The following SLC4A3 variants were observed in gnomAD, a reference collection of about 807,000 sequenced individuals.
SLC4A3 encodes the protein solute carrier family 4 member 3.
In SLC4A3, 47 loss-of-function variants were observed where a neutral mutation model predicts 114.2. That is an observed-to-expected ratio of 0.41 (90% CI 0.33 to 0.52). The LOEUF is 0.52. SLC4A3 is among the 20% of genes least tolerant of loss of function. The probability of loss-of-function intolerance (pLI) is 0.21; values close to 1 mark genes in which losing one functional copy is unlikely to be tolerated. For missense variants in SLC4A3, 1,312 were observed against 1,668.3 expected (o/e 0.79, Z 3.72); for synonymous variants, 693 against 710.3 (o/e 0.98, Z 0.39).
At position 219,629,335 on chromosome 2, in the gene SLC4A3, G is replaced by A; in HGVS notation, c.409G>A (p.Glu137Lys). The A allele has an allele frequency of 6.2e-7, 1 of 1,603,098 alleles. No individual in the cohort carries two copies. Among genetic ancestry groups the A allele is most frequent in the East Asian group, 2.2e-5 (1 of 44,818 alleles). The change falls in exon 4 of 23, where the codon GAA becomes AAA. Residue 137 changes from glutamate to lysine, a missense_variant. This residue lies in a region of SLC4A3 where 236 missense variants were observed against 212.1 expected (regional missense o/e 1.11). Transcript: ENST00000358055. ...GGAGGGGGGAGCTGGAGTGGATGAG[G>A]AAGAGGAGGAAGAGGAGGAAGAGGA... ...QEEGGAGVDEEEEEEEEEEGE... is the reference protein window; with the variant it reads ...QEEGGAGVDEKEEEEEEEEGE...
At position 219,636,381 on chromosome 2, in the gene SLC4A3, G is replaced by A; in HGVS notation, c.2271G>A (p.Leu757=). 6.2e-7 allele frequency: 1 copy of A among 1,613,684 alleles called. No individual in the cohort carries two copies. The highest frequency in any genetic ancestry group is 1.1e-5 in the South Asian group (1 of 91,054). ...TGCTCGGCGTCCTCTTCTCTCTGCT[G>A]GGAGCTCAGCCGCTGCTTGTGGTTG... ...TAVLGVLFSL[L]GAQPLLVVGF... Residue 757 remains leucine, a synonymous_variant, in exon 15 of 23, where the codon CTG becomes CTA. Transcript: ENST00000358055. The surrounding 1 kb of genome is among the most constrained non-coding windows in gnomAD (Gnocchi z 5.5).
Position 219,637,693 on chromosome 2 carries a change from C to T in SLC4A3, c.2648C>T (p.Pro883Leu), listed in dbSNP as rs145432587. ...NGSALPPTEG[P>L]PSPRNQPNTA... Reference sequence around the variant, plus strand: ...AGTGCCCTGCCCCCCACCGAGGGCCCCCCCAGCCCGAGGAACCAGCCCAAT... The same window carrying T: ...AGTGCCCTGCCCCCCACCGAGGGCCTCCCCAGCCCGAGGAACCAGCCCAAT... The change falls in exon 17 of 23, where the codon CCC becomes CTC. Residue 883 changes from proline (P) to leucine (L), a missense_variant. By Grantham distance (98) the Pro-to-Leu change is moderately conservative. Transcript: ENST00000358055. The surrounding 1 kb of genome is among the most constrained non-coding windows in gnomAD (Gnocchi z 4.6). The T allele has an allele frequency of 2.5e-6, 4 of 1,612,636 alleles. No individual in the cohort carries two copies. The highest frequency in any genetic ancestry group is 3.4e-6 in the Non-Finnish European group (4 of 1,178,652).
At position 219,641,596 on chromosome 2, in the gene SLC4A3, T is replaced by C. The variant is rs1699327466; in HGVS notation, c.3622-55T>C. On this transcript the variant is annotated intron_variant, in intron 22 of 22. Transcript: ENST00000358055. The surrounding 1 kb of genome is among the most constrained non-coding windows in gnomAD (Gnocchi z 4.0). ...GCAGGTTGGAGGAGGAGCTGGAGAA[T>C]GGGAGGGGACGAGCATGCTTCCCTG... The C allele has an allele frequency of 4.3e-6, 6 of 1,398,546 alleles. No individual in the cohort carries two copies. The highest frequency in any genetic ancestry group is 6.1e-6 in the Non-Finnish European group (6 of 985,028). The allele number at this position is 1,398,546 out of a possible 1,614,324, so 86.6% of individuals were successfully genotyped here.
rs1379648116 is a variant in SLC4A3 at position 219,635,252 on chromosome 2, G to T, written c.1747-19G>T. 6.2e-7 allele frequency: 1 copy of T among 1,607,598 alleles called. No homozygotes were observed. Among genetic ancestry groups the T allele is most frequent in the Admixed American group, 1.7e-5 (1 of 59,972 alleles). ...CCCTTGGCTGTCCCTGAGGGTCCTG[G>T]CCCTCTCATTGCCCCCAGCTGTTTC... On this transcript the variant is annotated intron_variant, in intron 12 of 22. Coordinates refer to ENST00000358055, the MANE Select transcript of SLC4A3 (RefSeq NM_005070.4).
At position 219,636,595 on chromosome 2, in the gene SLC4A3, G is replaced by A. The variant is rs1315735797; in HGVS notation, c.2341-85G>A. 4.0e-6 allele frequency: 6 copies of A among 1,490,966 alleles called. No individual in the cohort carries two copies. The highest frequency in any genetic ancestry group is 2.8e-5 in the African/African-American group (2 of 71,620). 92.4% of individuals were successfully genotyped at this position (1,490,966 alleles called of 1,614,324 possible). On this transcript the variant is annotated intron_variant, in intron 15 of 22. Transcript: ENST00000358055. The surrounding 1 kb of genome is among the most constrained non-coding windows in gnomAD (Gnocchi z 5.5). ...GGTCCCTGCATTCTCCCTCTTCCTC[G>A]GAGTTCATCCGCTGCCTATTCCAGG...
intron 20 of SLC4A3, among the ~76,000 whole-genome samples, chr2:219,640,034 T>G (rs1340080033): frequency 6.6e-6 from 1 of 152,052 alleles, no homozygotes; most frequent in African/African-American, 2.4e-5. Context: ...GGTTCACCCA[T>G]TCTCCTGCCT....
rs545398053 is a variant in SLC4A3 at position 219,639,148 on chromosome 2, G to A, written c.3023+279G>A. On this transcript the variant is annotated intron_variant, in intron 19 of 22. Transcript: ENST00000358055. This position sits in a 1 kb window ranked among gnomAD's most constrained non-coding sequence, Gnocchi z 5.9. ...ATCTGTTGCCACCACTCTTTGCAGG[G>A]TGGCACTTGACAGTGCTCAGAACAC... 6.6e-6 allele frequency among the ~76,000 whole-genome samples: 1 copy of A among 152,098 alleles called. No individual in the cohort carries two copies. The highest frequency in any genetic ancestry group is 1.5e-5 in the Non-Finnish European group (1 of 68,020).
chr2:219,638,425 C>T lies in SLC4A3; in HGVS notation c.2856+172C>T, dbSNP rs1446994216. Among the ~76,000 whole-genome samples, 1 of 152,150 alleles carries T rather than the reference C, an allele frequency of 6.6e-6. No homozygotes were observed. Among genetic ancestry groups the T allele is most frequent in the Non-Finnish European group, 1.5e-5 (1 of 68,014 alleles). On this transcript the variant is annotated intron_variant, in intron 18 of 22. Coordinates refer to ENST00000358055, the MANE Select transcript of SLC4A3 (RefSeq NM_005070.4). This position sits in a 1 kb window ranked among gnomAD's most constrained non-coding sequence, Gnocchi z 7.5. Reference sequence around the variant, plus strand: ...CCCCAGGGAGCCTGAGTGATGAATCCGGGAGAAGCAGGTGTGGGGCTGGGA... The same window carrying T: ...CCCCAGGGAGCCTGAGTGATGAATCTGGGAGAAGCAGGTGTGGGGCTGGGA...
At position 219,632,988 on chromosome 2, in the gene SLC4A3, G is replaced by A. The variant is rs746914813; in HGVS notation, c.1256G>A (p.Arg419His). 1.2e-6 allele frequency: 2 copies of A among 1,614,046 alleles called. No homozygotes were observed. The highest frequency in any genetic ancestry group is 2.2e-5 in the East Asian group (1 of 44,852). The change falls in exon 9 of 23, where the codon CGT becomes CAT. Residue 419 changes from arginine to histidine, a missense_variant. Physicochemically the swap from Arg to His is conservative, Grantham distance 29 (BLOSUM62 0). Coordinates refer to ENST00000358055, the MANE Select transcript of SLC4A3 (RefSeq NM_005070.4). ...CCGGAGGACAGGGCCAGCGTCCTACGTACCCTGCTACTGAAGCACAGGTGC... is the reference window on the plus strand; with the variant it reads ...CCGGAGGACAGGGCCAGCGTCCTACATACCCTGCTACTGAAGCACAGGTGC... Reference protein sequence around the residue: ...IRPEDRASVLRTLLLKHSHPN... With the variant: ...IRPEDRASVLHTLLLKHSHPN...
In SLC4A3 at chr2:219,627,987, C is replaced by A; in HGVS notation, c.-6C>A. The A allele has an allele frequency of 1.9e-6, 3 of 1,600,186 alleles. No individual in the cohort carries two copies. Among genetic ancestry groups the A allele is most frequent in the Non-Finnish European group, 2.6e-6 (3 of 1,174,332 alleles). On this transcript the variant is annotated 5_prime_UTR_variant, in exon 2 of 23. It adds an upstream start codon to the 5' untranslated region. Coordinates refer to ENST00000358055, the MANE Select transcript of SLC4A3 (RefSeq NM_005070.4). ...AGCGAGAGCGTCCCCAGCCGCCTAC[C>A]TGGCCATGGCCAACGGAGTGATCCC...
chr2:219,628,349 G>T lies in SLC4A3; in HGVS notation c.52-56G>T. On this transcript the variant is annotated intron_variant, in intron 2 of 22. Transcript: ENST00000358055. The surrounding 1 kb of genome is among the most constrained non-coding windows in gnomAD (Gnocchi z 4.8). ...CCCAACTAGGGCTTGGAGTTGGGGT[G>T]GGTGTGGGGCCTTCATGGGTCAGGG... 6.6e-7 allele frequency: 1 copy of T among 1,505,572 alleles called. No individual in the cohort carries two copies. Among genetic ancestry groups the T allele is most frequent in the South Asian group, 1.3e-5 (1 of 76,842 alleles). 93.3% of individuals were successfully genotyped at this position (1,505,572 alleles called of 1,614,324 possible).
In SLC4A3 at chr2:219,638,878, G is replaced by A; in HGVS notation, c.3023+9G>A. 1 of 1,612,530 alleles carries A rather than the reference G, an allele frequency of 6.2e-7. No individual in the cohort carries two copies. Reference sequence around the variant, plus strand: ...GAGACACAGATCACGGCGTGAGAGAGATGGGAGGAGGAGGTGGGAGGGACG... The same window carrying A: ...GAGACACAGATCACGGCGTGAGAGAAATGGGAGGAGGAGGTGGGAGGGACG... On this transcript the variant is annotated intron_variant, in intron 19 of 22. Coordinates refer to ENST00000358055, the MANE Select transcript of SLC4A3 (RefSeq NM_005070.4). This position sits in a 1 kb window ranked among gnomAD's most constrained non-coding sequence, Gnocchi z 7.5.
chr2:219,640,232 C>CA (rs1553553164), intron 20 of SLC4A3, among the ~76,000 whole-genome samples, 198 bp from the exon 21 acceptor site: 2 of 123,000 alleles, frequency 1.6e-5, no homozygotes, highest in Non-Finnish European at 1.7e-5. Flanking sequence ...TCTGCCCCCC[C>CA]CCCCGCCCCT....
chr2:219,632,784 T>G, intron 8 of SLC4A3, 90 bp from the exon 9 acceptor site: 1 of 1,541,512 alleles, frequency 6.5e-7, no homozygotes, highest in Non-Finnish European at 8.9e-7. Context: ...TCCAGCACAT[T>G]CGCATGCTTT....
chr2:219,638,307 A>G lies in SLC4A3; in HGVS notation c.2856+54A>G, dbSNP rs1350054444. ...CTGTCACCCCCAGGCCAGGAGAGGG[A>G]GCCCACAACACACTTCCATGGGCCC... On this transcript the variant is annotated intron_variant, in intron 18 of 22. Transcript: ENST00000358055. This position sits in a 1 kb window ranked among gnomAD's most constrained non-coding sequence, Gnocchi z 7.5. The G allele has an allele frequency of 2.2e-6, 3 of 1,344,640 alleles. No individual in the cohort carries two copies. Among genetic ancestry groups the G allele is most frequent in the East Asian group, 4.8e-5 (2 of 41,652 alleles). The allele number at this position is 1,344,640 out of a possible 1,614,324, so 83.3% of individuals were successfully genotyped here.
Position 219,631,831 on chromosome 2 carries a change from T to G in SLC4A3, c.812-137T>G. 2 of 930,434 alleles carry G rather than the reference T, an allele frequency of 2.1e-6. No homozygotes were observed. Among genetic ancestry groups the G allele is most frequent in the Non-Finnish European group, 3.3e-6 (2 of 611,196 alleles). The allele number at this position is 930,434 out of a possible 1,614,324, so 57.6% of individuals were successfully genotyped here. On this transcript the variant is annotated intron_variant, in intron 6 of 22. Coordinates refer to ENST00000358055, the MANE Select transcript of SLC4A3 (RefSeq NM_005070.4). The surrounding 1 kb of genome is among the most constrained non-coding windows in gnomAD (Gnocchi z 6.3). ...TTATCAATGAAATGGCCACATGGGA[T>G]TATGTGGTTCCCGTCGGCATGGCCT...
rs1283004470 is a variant in SLC4A3, at chr2:219,629,610, C to T, written c.526C>T (p.Pro176Ser). The part of the protein sequence containing the change: ...FSIGSDEDDS[P>S]GLPGRAAVTK... ...CATTGGAAGTGACGAGGATGACAGT[C>T]CAGGCCTCCCTGGGAGGGCTGCTGT... Residue 176 changes from proline to serine, a missense_variant, in exon 5 of 23, where the codon CCA becomes TCA. By Grantham distance (74) the Pro-to-Ser change is moderately conservative. Around this residue, in one of 4 missense-constraint regions of SLC4A3, gnomAD observed 771 missense variants for 977.7 expected, o/e 0.79. Coordinates refer to ENST00000358055, the MANE Select transcript of SLC4A3 (RefSeq NM_005070.4). The T allele has an allele frequency of 6.2e-7, 1 of 1,613,014 alleles. No individual in the cohort carries two copies. The highest frequency in any genetic ancestry group is 1.7e-5 in the Admixed American group (1 of 60,004).
intron 12 of SLC4A3, 141 bp downstream of exon 12, chr2:219,634,745 A>T: frequency 2.3e-6 from 2 of 882,934 alleles, no homozygotes; most frequent in Non-Finnish European, 3.4e-6. Context: ...TGGTGGGGGG[A>T]GCTGTTGGCC....
In SLC4A3 at chr2:219,631,158, CA is replaced by C. The variant is rs1698904587; in HGVS notation, c.811+807del. 1 of 1,179,082 alleles carries C rather than the reference CA, an allele frequency of 8.5e-7. No individual in the cohort carries two copies. Among genetic ancestry groups the C allele is most frequent in the Non-Finnish European group, 1.1e-6 (1 of 927,248 alleles). The allele number at this position is 1,179,082 out of a possible 1,614,324, so 73.0% of individuals were successfully genotyped here. A position where few individuals can be genotyped will look rare whatever the true frequency, so the allele number is the denominator to read the frequency against. On this transcript the variant is annotated intron_variant, in intron 6 of 22. Coordinates refer to ENST00000358055, the MANE Select transcript of SLC4A3 (RefSeq NM_005070.4). This position sits in a 1 kb window ranked among gnomAD's most constrained non-coding sequence, Gnocchi z 6.3. ...CCTTCAGCTCTGGTTGGACAGAAGCCACCCCGTCCAGGCTCCCACCTTGTAG... is the reference window on the plus strand; with the variant it reads ...CCTTCAGCTCTGGTTGGACAGAAGCCCCCCGTCCAGGCTCCCACCTTGTAG...
Sources: allele counts gnomAD v4.1 joint callset (sites outside exome capture counted in the v4.1 genomes callset), GRCh38; gene constraint gnomAD v4.1.1; regional missense constraint gnomAD v4.1.1; non-coding constraint Gnocchi (gnomAD v3.1); transcripts MANE v1.5; gene names NCBI Gene and HGNC (gene_info 2026-07-23, HGNC 2026-07-21).